Variants in ALOXE3 observed in about 807,000 individuals in gnomAD.
ALOXE3 encodes the protein arachidonate epidermal lipoxygenase 3.
ALOXE3 carries 78 observed loss-of-function variants against 87.5 expected under a neutral mutation model. That is an observed-to-expected ratio of 0.89 (90% CI 0.74 to 1.08). The LOEUF (loss-of-function observed/expected upper bound fraction) is 1.08. Ranked by LOEUF, ALOXE3 falls within the 50% of genes least tolerant of loss-of-function variation. The pLI is 0.00. For missense variants in ALOXE3, 946 were observed against 912.4 expected, an observed-to-expected ratio of 1.04 and a Z score of -0.47; for synonymous variants, 363 against 370.8, an observed-to-expected ratio of 0.98 and a Z score of 0.24.
At chr17:8,098,782 C>T (rs1978732449) in intron 15 of ALOXE3, among the ~76,000 whole-genome samples, 1 of 152,030 alleles carries the variant, frequency 6.6e-6, no homozygotes, top group South Asian at 2.1e-4. Context: ...TTTTATTATT[C>T]ACTATTGGCC....
intron 13 of ALOXE3, among the ~76,000 whole-genome samples, chr17:8,107,719 A>C (rs1227236267): frequency 6.6e-6 from 1 of 150,908 alleles, no homozygotes; most frequent in Non-Finnish European, 1.5e-5. Context: ...GAATGGCGTG[A>C]ACCCGGGAGG....
intron 3 of ALOXE3, among the ~76,000 whole-genome samples, chr17:8,116,187 T>G (rs937917882): frequency 2.6e-5 from 4 of 152,206 alleles, no homozygotes; most frequent in Non-Finnish European, 4.4e-5. Context: ...CCCTCCTTCA[T>G]CCTGAGCCTC....
rs1423722314 is a variant in ALOXE3, at chr17:8,109,162, C to T, written c.1562+12G>A. On this transcript the variant is annotated intron_variant, in intron 12 of 15. Transcript: ENST00000448843. ...CCTGGTGGGACTGCTGGTCCCGCCC[C>T]GCACCTCGCACCTCTCAATGGCCGC... 2.5e-6 allele frequency: 4 copies of T among 1,612,470 alleles called. No homozygotes were observed. The highest frequency in any genetic ancestry group is 2.5e-6 in the Non-Finnish European group (3 of 1,180,016).
At position 8,107,918 on chromosome 17, in the gene ALOXE3, AAAG is replaced by A. The variant is rs1567996501; in HGVS notation, c.1684+547_1684+549del. On this transcript the variant is annotated intron_variant, in intron 13 of 15. Coordinates refer to ENST00000448843, the MANE Select transcript of ALOXE3 (RefSeq NM_021628.3). ...GAAAGAAAGAAAGAAAGAAAGAAAG[AAAG>A]AAAGAAAGAAAGAAAGAAAGAAAGA... Among the ~76,000 whole-genome samples, 35 of 6,850 alleles carry A rather than the reference AAAG, an allele frequency of 5.1e-3. 10 individuals are homozygous for A. The highest frequency in any genetic ancestry group is 0.023 in the Admixed American group (20 of 856). 4.5% of individuals were successfully genotyped at this position (6,850 alleles called of 152,430 possible).
chr17:8,103,843 C>T (rs1175548045), intron 14 of ALOXE3, among the ~76,000 whole-genome samples: 4 of 152,114 alleles, frequency 2.6e-5, no homozygotes, highest in Non-Finnish European at 4.4e-5. Context: ...GAGCAAGCTG[C>T]TACTCCACCT....
chr17:8,107,798 CA>C lies in ALOXE3; in HGVS notation c.1684+669del, dbSNP rs199735818. Reference sequence around the variant, plus strand: ...TGGGCGACAGAGGGAGACTCCGTCTCAAAAAAAAAAACAAGAAAGAAAGAAA... The same window carrying C: ...TGGGCGACAGAGGGAGACTCCGTCTCAAAAAAAAAACAAGAAAGAAAGAAA... On this transcript the variant is annotated intron_variant, in intron 13 of 15. Coordinates refer to ENST00000448843, the MANE Select transcript of ALOXE3 (RefSeq NM_021628.3). Among the ~76,000 whole-genome samples the C allele has an allele frequency of 9.4e-3, 630 of 67,376 alleles. 63 individuals carry two copies. Among genetic ancestry groups the C allele is most frequent in the African/African-American group, 0.037 (532 of 14,442 alleles). The allele number at this position is 67,376 out of a possible 152,430, so 44.2% of individuals were successfully genotyped here.
intron 7 of ALOXE3, 44 bp from the exon 8 acceptor site, chr17:8,111,575 C>A: frequency 6.3e-7 from 1 of 1,599,466 alleles, no homozygotes; most frequent in South Asian, 1.1e-5. Flanking sequence ...AAACTACTTC[C>A]CTAGATCCTA....
At chr17:8,104,823 C>T (rs1979173169) in intron 13 of ALOXE3, among the ~76,000 whole-genome samples, 1 of 152,128 alleles carries the variant, frequency 6.6e-6, no homozygotes, top group African/African-American at 2.4e-5. Context: ...AAAAAGACAA[C>T]AGAGAAAAGC....
chr17:8,107,383 G>A (rs971511124), intron 13 of ALOXE3, among the ~76,000 whole-genome samples: 2 of 152,150 alleles, frequency 1.3e-5, no homozygotes, highest in Admixed American at 1.3e-4. Context: ...CAGATGTGGT[G>A]GCAGACGCCT....
rs563728590 is a variant in ALOXE3, at chr17:8,108,415, A to G, written c.1684+53T>C. On this transcript the variant is annotated intron_variant, in intron 13 of 15. Coordinates refer to ENST00000448843, the MANE Select transcript of ALOXE3 (RefSeq NM_021628.3). ...AACTGATGGGAGTAGGGTGTGGCCA[A>G]GCAAGTGCTAGCTCATCAGAGCTAC... is the stretch of plus-strand genomic sequence containing the variant. 56 of 1,603,540 alleles carry G rather than the reference A, an allele frequency of 3.5e-5. 1 individual carries two copies. The South Asian group carries it at 6.1e-4, about 17-fold the overall frequency.
At chr17:8,118,646 G>C (rs1568007563), upstream of ALOXE3, 1 of 1,537,090 alleles carries the variant, frequency 6.5e-7, no homozygotes, top group Non-Finnish European at 8.7e-7. Flanking sequence ...CCCATACACC[G>C]ATCCCCCCAC....
rs1352063831 is a variant in ALOXE3 at position 8,103,341 on chromosome 17, G to C, written c.1938C>G (p.Ser646Arg). 3.1e-6 allele frequency: 5 copies of C among 1,613,870 alleles called. No homozygotes were observed. The African/African-American group carries it at 5.3e-5, about 17-fold the overall frequency. The change falls in exon 15 of 16, where the codon AGC (serine) becomes AGG (arginine). Residue 646 changes from serine to arginine, a missense_variant. Transcript: ENST00000448843. ...CNNLLLFWLV[S>R]QEPKDQRPLG... ...TACACACCTGGTCCTTGGGTTCTTG[G>C]CTAACCAACCAGAAGAGGAGGAGGT...
In ALOXE3 at chr17:8,114,440, T is replaced by C. The variant is rs1371967837; in HGVS notation, c.680+44A>G. 3.7e-6 allele frequency: 6 copies of C among 1,612,256 alleles called. No homozygotes were observed. In the East Asian group the frequency reaches 1.1e-4, roughly 30 times the overall value. On this transcript the variant is annotated intron_variant, in intron 6 of 15. Transcript: ENST00000448843. ...CTGGGAGCACGGGGAGGGGGATGGA[T>C]GGGCAGAGATGTAAGATGTTCATTA...
chr17:8,103,424 T>C lies in ALOXE3; in HGVS notation c.1855A>G (p.Thr619Ala), dbSNP rs745314958. 6.2e-7 allele frequency: 1 copy of C among 1,614,074 alleles called. No homozygotes were observed. The highest frequency in any genetic ancestry group is 8.5e-7 in the Non-Finnish European group (1 of 1,179,986). ...MRQPPPQTKG[T>A]TTLKTYLDTL... is the part of the protein sequence containing the mutation. ...TCTAGGTAAGTCTTCAGGGTGGTGG[T>C]CCCCTTGGTCTGGGGTGGGGGCTGC... The change falls in exon 15 of 16, where the codon ACC (threonine) becomes GCC (alanine). Residue 619 changes from threonine to alanine, a missense_variant. By Grantham distance (58) the Thr-to-Ala change is moderately conservative. Transcript: ENST00000448843.
At chr17:8,117,798 C>A in intron 2 of ALOXE3, 46 bp downstream of exon 2, 1 of 1,595,158 alleles carries the variant, frequency 6.3e-7, no homozygotes, top group Non-Finnish European at 8.5e-7. Flanking sequence ...CCGCCTGCGG[C>A]CCCTGCCCCT....
chr17:8,104,913 T>A (rs573055291), intron 13 of ALOXE3, among the ~76,000 whole-genome samples: 1 of 152,244 alleles, frequency 6.6e-6, no homozygotes, highest in South Asian at 2.1e-4. Flanking sequence ...CTCATCCAAG[T>A]CCATGGCTCT....
Position 8,096,304 on chromosome 17 carries a change from A to G in ALOXE3, c.*323T>C. 1 of 283,200 alleles carries G rather than the reference A, an allele frequency of 3.5e-6. No homozygotes were observed. The allele number at this position is 283,200 out of a possible 1,614,324, so 17.5% of individuals were successfully genotyped here. On this transcript the variant is annotated 3_prime_UTR_variant, in exon 16 of 16. Transcript: ENST00000448843. ...ATGAGGGAGAAAAGCTCAGAAACCC[A>G]AGCTGGGCATTCCAAGAGGCTGGAA...
chr17:8,104,430 A>T (rs1357547653), intron 13 of ALOXE3, among the ~76,000 whole-genome samples: 2 of 152,132 alleles, frequency 1.3e-5, no homozygotes, highest in African/African-American at 4.8e-5. Flanking sequence ...CTGGCCAGAA[A>T]ATCCCCGGCA....
chr17:8,110,841 A>T (rs545199503), intron 8 of ALOXE3, among the ~76,000 whole-genome samples: 1 of 152,264 alleles, frequency 6.6e-6, no homozygotes, highest in South Asian at 2.1e-4. Flanking sequence ...TCTGAGCACT[A>T]TGTATCCAGC....
Sources: allele counts gnomAD v4.1 joint callset (sites outside exome capture counted in the v4.1 genomes callset), GRCh38; gene constraint gnomAD v4.1.1; transcripts MANE v1.5; gene names NCBI Gene and HGNC (gene_info 2026-07-23, HGNC 2026-07-21).